Variants in SHISAL1 observed in about 807,000 individuals in gnomAD.
SHISAL1 encodes the protein protein shisa-like-1.
Under a neutral mutation model 22.6 loss-of-function variants are expected in SHISAL1, and 9 were observed. The ratio of observed to expected loss-of-function variants is 0.40; its 90% CI spans 0.24 to 0.70. The LOEUF (loss-of-function observed/expected upper bound fraction) is 0.70, where lower values mean the gene tolerates loss of function less well. Ranked by LOEUF, SHISAL1 falls within the 30% of genes least tolerant of loss-of-function variation. The probability of loss-of-function intolerance (pLI) is 0.39; values close to 1 mark genes in which losing one functional copy is unlikely to be tolerated. For synonymous variants in SHISAL1, 119 were observed against 115.4 expected, an observed-to-expected ratio of 1.03 and a Z score of -0.20; for missense variants, 246 against 270.6, an observed-to-expected ratio of 0.91 and a Z score of 0.64.
chr22:44,290,880 C>T (rs12160005), intron 3 of SHISAL1, among the ~76,000 whole-genome samples: 8,164 of 152,218 alleles, frequency 0.054, 728 homozygotes, highest in African/African-American at 0.19. Context: ...CAAAGTGCCT[C>T]GCCCAAGGTC....
rs1402196044 is a variant in SHISAL1, at chr22:44,246,369, TTC to T, written c.*3314_*3315del. The T allele has an allele frequency of 6.8e-6, 1 of 147,062 alleles. No individual in the cohort carries two copies. Among genetic ancestry groups the T allele is most frequent in the African/African-American group, 2.7e-5 (1 of 36,548 alleles). 9.1% of individuals were successfully genotyped at this position (147,062 alleles called of 1,614,324 possible). On this transcript the variant is annotated 3_prime_UTR_variant, in exon 5 of 5. Coordinates refer to ENST00000381176, the MANE Select transcript of SHISAL1 (RefSeq NM_001099294.2). ...TCTTGTCCTCTTCTCTCTCTCGTTT[TTC>T]TTTTTGTATTATTATTATTACAAAT...
At chr22:44,271,223 G>A (rs1477604102) in intron 4 of SHISAL1, among the ~76,000 whole-genome samples, 4 of 152,162 alleles carry the variant, frequency 2.6e-5, no homozygotes, top group Non-Finnish European at 4.4e-5. Context: ...GGGCAGCACA[G>A]AGTCCAGTCC....
chr22:44,271,124 C>T (rs1471615759), intron 4 of SHISAL1, among the ~76,000 whole-genome samples: 2 of 152,118 alleles, frequency 1.3e-5, no homozygotes, highest in Non-Finnish European at 2.9e-5. Flanking sequence ...CCCATGATCC[C>T]CTTGCCAGGT....
intron 4 of SHISAL1, among the ~76,000 whole-genome samples, chr22:44,267,610 C>T (rs1021862517): frequency 2.4e-4 from 37 of 152,276 alleles, no homozygotes; most frequent in African/African-American, 7.7e-4. Flanking sequence ...GTCCCTGGAC[C>T]GAGAAGCCCA....
intron 4 of SHISAL1, among the ~76,000 whole-genome samples, chr22:44,282,844 G>T (rs548850613): frequency 2.5e-3 from 382 of 152,342 alleles, no homozygotes; most frequent in African/African-American, 8.7e-3. Flanking sequence ...GGGCCGCAGA[G>T]GGCGTTTGTA....
At position 44,246,698 on chromosome 22, in the gene SHISAL1, A is replaced by G. The variant is rs1343980591; in HGVS notation, c.*2987T>C. ...ACACTGAGTGTTCACACCCACATGCACACTGTTCTCACCTGTCGGCTCCTC... is the reference window on the plus strand; with the variant it reads ...ACACTGAGTGTTCACACCCACATGCGCACTGTTCTCACCTGTCGGCTCCTC... On this transcript the variant is annotated 3_prime_UTR_variant, in exon 5 of 5. Transcript: ENST00000381176. The G allele has an allele frequency of 6.6e-6, 1 of 151,986 alleles. No individual in the cohort carries two copies. Among genetic ancestry groups the G allele is most frequent in the Non-Finnish European group, 1.5e-5 (1 of 67,962 alleles). The allele number at this position is 151,986 out of a possible 1,614,324, so 9.4% of individuals were successfully genotyped here. A position where few individuals can be genotyped will look rare whatever the true frequency, so the allele number is the denominator to read the frequency against.
chr22:44,257,667 A>G (rs2055093690), intron 4 of SHISAL1, among the ~76,000 whole-genome samples: 1 of 152,202 alleles, frequency 6.6e-6, no homozygotes, highest in African/African-American at 2.4e-5. Context: ...AATCAGCCAA[A>G]CTTAGATCAG....
intron 4 of SHISAL1, among the ~76,000 whole-genome samples, chr22:44,258,980 A>G (rs2055103394): frequency 1.3e-5 from 2 of 152,312 alleles, no homozygotes; most frequent in South Asian, 4.1e-4. Context: ...TGACCAGCTC[A>G]ACATTCTGGA....
intron 1 of SHISAL1, among the ~76,000 whole-genome samples, chr22:44,308,430 G>C (rs1334242212): frequency 6.6e-6 from 1 of 152,242 alleles, no homozygotes; most frequent in Non-Finnish European, 1.5e-5. Flanking sequence ...TGTTCCTGGA[G>C]CTTCAGCCCT....
At chr22:44,322,282 A>G in the SHISAL1 span, among the ~76,000 whole-genome samples, 12 of 152,218 alleles carry the variant, frequency 7.9e-5, no homozygotes, top group Admixed American at 2.6e-4. Flanking sequence ...GGGTCTCCCC[A>G]TCAGGTTGGG....
chr22:44,284,342 G>C (rs562153452), intron 4 of SHISAL1, among the ~76,000 whole-genome samples: 1 of 152,012 alleles, frequency 6.6e-6, no homozygotes, highest in South Asian at 2.1e-4. Context: ...CACGAGGATC[G>C]GAAGGTTAAG....
At chr22:44,277,267 C>A (rs1396083451) in intron 4 of SHISAL1, among the ~76,000 whole-genome samples, 2 of 152,104 alleles carry the variant, frequency 1.3e-5, no homozygotes, top group African/African-American at 2.4e-5. Context: ...GGCCTTTCCG[C>A]GTTTCCTCTC....
At chr22:44,306,856 T>C (rs1048513030) in intron 1 of SHISAL1, among the ~76,000 whole-genome samples, 6 of 146,066 alleles carry the variant, frequency 4.1e-5, no homozygotes, top group Admixed American at 2.1e-4. Context: ...GTGATGACGA[T>C]GGCGTGTGCA....
intron 4 of SHISAL1, among the ~76,000 whole-genome samples, chr22:44,252,888 A>C (rs1601773967): frequency 1.3e-5 from 2 of 151,946 alleles, no homozygotes; most frequent in African/African-American, 4.8e-5. Context: ...CCAGCTACTC[A>C]AGAGGCTGAG....
intron 1 of SHISAL1, among the ~76,000 whole-genome samples, chr22:44,304,931 A>G (rs2055459715): frequency 6.6e-6 from 1 of 152,150 alleles, no homozygotes; most frequent in South Asian, 2.1e-4. Context: ...TGAGTGAATG[A>G]GGAGGATCTA....
At chr22:44,272,630 T>C (rs757161916) in intron 4 of SHISAL1, among the ~76,000 whole-genome samples, 4 of 152,174 alleles carry the variant, frequency 2.6e-5, no homozygotes, top group Non-Finnish European at 5.9e-5. Flanking sequence ...AATACCCAGA[T>C]GTGTGGCACA....
intron 3 of SHISAL1, among the ~76,000 whole-genome samples, chr22:44,290,447 T>G (rs2055344660): frequency 6.7e-6 from 1 of 150,068 alleles, no homozygotes; most frequent in African/African-American, 2.5e-5. Context: ...GGGAATTGCT[T>G]TAACCCGGGA....
upstream of SHISAL1, among the ~76,000 whole-genome samples, chr22:44,316,284 T>C (rs2055558080): frequency 6.6e-6 from 1 of 151,972 alleles, no homozygotes; most frequent in South Asian, 2.1e-4. Flanking sequence ...GAGTGACCAC[T>C]CTGAGCCTCA....
intron 3 of SHISAL1, among the ~76,000 whole-genome samples, chr22:44,292,698 A>C (rs2055360926): frequency 6.6e-6 from 1 of 152,100 alleles, no homozygotes; most frequent in Non-Finnish European, 1.5e-5. Context: ...CCCAAGGCTC[A>C]TCCTCAAGTC....
Sources: allele counts gnomAD v4.1 joint callset (sites outside exome capture counted in the v4.1 genomes callset), GRCh38; gene constraint gnomAD v4.1.1; transcripts MANE v1.5; gene names NCBI Gene and HGNC (gene_info 2026-07-23, HGNC 2026-07-21).